ZNF592: variants seen among roughly 807,000 people sequenced by gnomAD.
ZNF592 encodes zinc finger protein 592.
In ZNF592, 11 loss-of-function variants were observed where a neutral mutation model predicts 80.3. The observed-to-expected ratio is 0.14, with a 90% CI of 0.09 to 0.23. ZNF592 has a LOEUF of 0.23. Among genes scored for constraint, ZNF592 ranks in the 10% least tolerant of loss-of-function variants. ZNF592 has a pLI of 1.00. For missense variants in ZNF592, 1,420 were observed against 1,633.9 expected (o/e 0.87, Z 2.26); for synonymous variants, 646 against 640.3 (o/e 1.01, Z -0.13).
chr15:84,802,051 A>T lies in ZNF592; in HGVS notation c.3462A>T (p.Gln1154His), dbSNP rs142492946. ...ACCAGGTGGACAGCTCCACAGCCCA[A>T]TGTCTCCTCTGTGGTTTGTGCTACA... Reference protein sequence around the residue: ...PQHQVDSSTAQCLLCGLCYTS... With the variant: ...PQHQVDSSTAHCLLCGLCYTS... Residue 1154 changes from glutamine to histidine, a missense_variant, in exon 11 of 11, where the codon CAA becomes CAT. Physicochemically the swap from Gln to His is conservative, Grantham distance 24 (BLOSUM62 0). Around this residue, in one of 7 missense-constraint regions of ZNF592, gnomAD observed 145 missense variants for 211.9 expected, o/e 0.68. Transcript: ENST00000560079. 6.2e-7 allele frequency: 1 copy of T among 1,613,826 alleles called. No homozygotes were observed. Among genetic ancestry groups the T allele is most frequent in the Admixed American group, 1.7e-5 (1 of 60,008 alleles).
rs1348291584 is a variant in ZNF592 at position 84,794,536 on chromosome 15, C to T, written c.2400-3333C>T. Among the ~76,000 whole-genome samples the T allele has an allele frequency of 9.9e-5, 15 of 151,522 alleles. 1 individual carries two copies. The highest frequency in any genetic ancestry group is 7.3e-5 in the African/African-American group (3 of 41,256). Reference sequence around the variant, plus strand: ...TGTTGACCAGGCTGGAGTGCAGTGGCGCTATCTCAGCTCACTGCAACCTCC... The same window carrying T: ...TGTTGACCAGGCTGGAGTGCAGTGGTGCTATCTCAGCTCACTGCAACCTCC... On this transcript the variant is annotated intron_variant, in intron 5 of 10. Coordinates refer to ENST00000560079, the MANE Select transcript of ZNF592 (RefSeq NM_014630.3).
rs1962970290 is a variant in ZNF592, at chr15:84,798,010, C to T, written c.2541C>T (p.Ala847=). The T allele has an allele frequency of 6.2e-7, 1 of 1,614,106 alleles. No homozygotes were observed. Among genetic ancestry groups the T allele is most frequent in the South Asian group, 1.1e-5 (1 of 91,090 alleles). The part of the protein sequence containing the change: ...KTASSTADHS[A]TQHPTQPHRP... Reference sequence around the variant, plus strand: ...CCAGCAGCACTGCAGACCACAGTGCCACCCAGCACCCCACCCAGCCCCACA... The same window carrying T: ...CCAGCAGCACTGCAGACCACAGTGCTACCCAGCACCCCACCCAGCCCCACA... The change falls in exon 6 of 11, where the codon GCC becomes GCT. Residue 847 remains alanine (A), a synonymous_variant. Coordinates refer to ENST00000560079, the MANE Select transcript of ZNF592 (RefSeq NM_014630.3). The surrounding 1 kb of genome is among the most constrained non-coding windows in gnomAD (Gnocchi z 4.5).
chr15:84,781,974 T>G (rs562628644), intron 3 of ZNF592, among the ~76,000 whole-genome samples: 4 of 152,242 alleles, frequency 2.6e-5, no homozygotes, highest in Non-Finnish European at 5.9e-5. Flanking sequence ...GCCAATTTGA[T>G]AACTGTTGGT....
At position 84,777,694 on chromosome 15, in the gene ZNF592, CTTTTTTTTTTTT is replaced by C. The variant is rs397854471; in HGVS notation, c.-149-477_-149-466del. ...GAAAATAATTTCGTCTGTTGAGATA[CTTTTTTTTTTTT>C]TTTTTTTTTTTGAGATGGAGTCTAG... On this transcript the variant is annotated intron_variant, in intron 2 of 10. Transcript: ENST00000560079. Among the ~76,000 whole-genome samples, 4 of 98,426 alleles carry C rather than the reference CTTTTTTTTTTTT, an allele frequency of 4.1e-5. No individual in the cohort carries two copies. In the South Asian group the frequency reaches 9.8e-4, roughly 24 times the overall value. 64.6% of individuals were successfully genotyped at this position (98,426 alleles called of 152,430 possible).
Position 84,802,133 on chromosome 15 carries a change from G to C in ZNF592, c.3544G>C (p.Glu1182Gln). The C allele has an allele frequency of 2.5e-6, 4 of 1,579,720 alleles. No individual in the cohort carries two copies. The highest frequency in any genetic ancestry group is 2.6e-6 in the Non-Finnish European group (3 of 1,152,010). Residue 1182 changes from glutamate (E) to glutamine (Q), a missense_variant, in exon 11 of 11, where the codon GAG becomes CAG. Physicochemically the swap from Glu to Gln is conservative, Grantham distance 29. Around this residue, in one of 7 missense-constraint regions of ZNF592, gnomAD observed 145 missense variants for 211.9 expected, o/e 0.68. Transcript: ENST00000560079. ...LFIVHKVRDQ[E>Q]EEEEEEAAAA... ...CATTGTCCACAAGGTGAGAGACCAG[G>C]AGGAGGAGGAGGAAGAGGAGGCGGC...
At position 84,798,539 on chromosome 15, in the gene ZNF592, T is replaced by G; in HGVS notation, c.2737-49T>G. ...ATGCCTCAGGCTGGGGGTCTGACTC[T>G]GTGCATCTTTCCCCTTGCCCAGTCA... On this transcript the variant is annotated intron_variant, in intron 7 of 10. Transcript: ENST00000560079. This position sits in a 1 kb window ranked among gnomAD's most constrained non-coding sequence, Gnocchi z 4.5. 7 of 1,613,932 alleles carry G rather than the reference T, an allele frequency of 4.3e-6. No individual in the cohort carries two copies. The highest frequency in any genetic ancestry group is 5.9e-6 in the Non-Finnish European group (7 of 1,179,960).
chr15:84,777,694 CT>C (rs397854471), intron 2 of ZNF592, among the ~76,000 whole-genome samples: 51,213 of 97,916 alleles, frequency 0.52, 13,241 homozygotes, highest in East Asian at 0.74. Context: ...TGTTGAGATA[CT>C]TTTTTTTTTT....
In ZNF592 at chr15:84,769,138, A is replaced by G. The variant is rs138769502; in HGVS notation, c.-150+4323A>G. Among the ~76,000 whole-genome samples the G allele has an allele frequency of 8.9e-3, 1,358 of 152,126 alleles. 23 individuals carry two copies. The highest frequency in any genetic ancestry group is 0.031 in the African/African-American group (1,292 of 41,494). On this transcript the variant is annotated intron_variant, in intron 2 of 10. Transcript: ENST00000560079. ...GTATTTTTAGTAGAGACAGGGTTTC[A>G]CCATGTTGGTGAGGCTGGTCTTGAA... is the stretch of plus-strand genomic sequence containing the variant.
intron 5 of ZNF592, among the ~76,000 whole-genome samples, chr15:84,792,960 A>C (rs1000816049): frequency 3.3e-5 from 5 of 152,228 alleles, no homozygotes; most frequent in Non-Finnish European, 7.3e-5. Context: ...GTAACACTTA[A>C]AAATACCTTT....
At chr15:84,772,602 A>G (rs1489503894) in intron 2 of ZNF592, among the ~76,000 whole-genome samples, 1 of 152,234 alleles carries the variant, frequency 6.6e-6, no homozygotes, top group Non-Finnish European at 1.5e-5. Context: ...ATAATGCAAC[A>G]CAAATGATAT....
Position 84,783,190 on chromosome 15 carries a change from C to G in ZNF592, c.515C>G (p.Pro172Arg), listed in dbSNP as rs151234929. ...CACTCTGACAGTTATTTCCCACCCCCTCTTGGGTGCGGGGCTGTGGGAGGC... is the reference window on the plus strand; with the variant it reads ...CACTCTGACAGTTATTTCCCACCCCGTCTTGGGTGCGGGGCTGTGGGAGGC... ...PKHSDSYFPP[P>R]LGCGAVGGPV... The change falls in exon 4 of 11, where the codon CCT (proline) becomes CGT (arginine). Residue 172 changes from proline to arginine, a missense_variant. Physicochemically the swap from Pro to Arg is moderately radical, Grantham distance 103 (BLOSUM62 -2). Transcript: ENST00000560079. This position sits in a 1 kb window ranked among gnomAD's most constrained non-coding sequence, Gnocchi z 5.0. 2.1e-4 allele frequency: 339 copies of G among 1,614,066 alleles called. No homozygotes were observed. The highest frequency in any genetic ancestry group is 2.8e-4 in the Non-Finnish European group (329 of 1,180,050).
chr15:84,777,016 C>T (rs928528763), intron 2 of ZNF592, among the ~76,000 whole-genome samples: 5 of 151,946 alleles, frequency 3.3e-5, no homozygotes, highest in Admixed American at 3.3e-4. Context: ...CACGCCATTG[C>T]ACTCCAGCCC....
Position 84,783,340 on chromosome 15 carries a change from G to T in ZNF592, c.665G>T (p.Gly222Val). Residue 222 changes from glycine to valine, a missense_variant, in exon 4 of 11, where the codon GGG (glycine) becomes GTG (valine). By Grantham distance (109) the Gly-to-Val change is moderately radical. Coordinates refer to ENST00000560079, the MANE Select transcript of ZNF592 (RefSeq NM_014630.3). This position sits in a 1 kb window ranked among gnomAD's most constrained non-coding sequence, Gnocchi z 5.0. ...AGCCAGCAGGAACACGAGCAAAGTG[G>T]GCAGAACACAGTGGAACCTCACAAG... ...LGSQQEHEQS[G>V]QNTVEPHKDP... The T allele has an allele frequency of 6.2e-7, 1 of 1,614,224 alleles. No homozygotes were observed. The highest frequency in any genetic ancestry group is 8.5e-7 in the Non-Finnish European group (1 of 1,180,046).
intron 2 of ZNF592, among the ~76,000 whole-genome samples, chr15:84,769,764 A>C (rs1488230475): frequency 6.6e-6 from 1 of 152,118 alleles, no homozygotes; most frequent in Non-Finnish European, 1.5e-5. Context: ...AAGATTTTTA[A>C]ATTATCTTAT....
chr15:84,799,386 C>T lies in ZNF592; in HGVS notation c.3137+176C>T, dbSNP rs1963028795. Among the ~76,000 whole-genome samples, 1 of 152,158 alleles carries T rather than the reference C, an allele frequency of 6.6e-6. No individual in the cohort carries two copies. Among genetic ancestry groups the T allele is most frequent in the South Asian group, 2.1e-4 (1 of 4,828 alleles). On this transcript the variant is annotated intron_variant, in intron 9 of 10. Transcript: ENST00000560079. This position sits in a 1 kb window ranked among gnomAD's most constrained non-coding sequence, Gnocchi z 4.2. ...CAGGGGCAGGTCAAAAATCAGCTTC[C>T]AGAACCTGGTAGCTCCTGAGCCCTC...
rs1238125074 is a variant in ZNF592 at position 84,790,787 on chromosome 15, A to G, written c.2303A>G (p.Tyr768Cys). The G allele has an allele frequency of 6.2e-7, 1 of 1,614,128 alleles. No individual in the cohort carries two copies. The highest frequency in any genetic ancestry group is 8.5e-7 in the Non-Finnish European group (1 of 1,180,012). Residue 768 changes from tyrosine (Y) to cysteine (C), a missense_variant, in exon 5 of 11, where the codon TAC becomes TGC. Coordinates refer to ENST00000560079, the MANE Select transcript of ZNF592 (RefSeq NM_014630.3). Reference sequence around the variant, plus strand: ...CGGATTCATGCACACAAGTCCCCCTACTGCTGCCCGGAGTGTGGGGTCCTC... The same window carrying G: ...CGGATTCATGCACACAAGTCCCCCTGCTGCTGCCCGGAGTGTGGGGTCCTC... Reference protein sequence around the residue: ...HQRIHAHKSPYCCPECGVLCR... With the variant: ...HQRIHAHKSPCCCPECGVLCR...
In ZNF592 at chr15:84,769,453, T is replaced by C. The variant is rs74905021; in HGVS notation, c.-150+4638T>C. Among the ~76,000 whole-genome samples, 589 of 151,188 alleles carry C rather than the reference T, an allele frequency of 3.9e-3. 2 individuals carry two copies. The highest frequency in any genetic ancestry group is 0.014 in the African/African-American group (564 of 41,098). On this transcript the variant is annotated intron_variant, in intron 2 of 10. Transcript: ENST00000560079. ...ATGGAAGGCTCCTGACAAAGTGACA[T>C]TGGATTAAAGGCCTGAAGAAGTGAG...
intron 2 of ZNF592, among the ~76,000 whole-genome samples, chr15:84,772,368 T>C (rs915916751): frequency 6.6e-6 from 1 of 152,068 alleles, no homozygotes; most frequent in Admixed American, 6.6e-5. Flanking sequence ...TGGTATAACA[T>C]AGGGAGACCC....
At chr15:84,750,824 G>T (rs899349522) in intron 1 of ZNF592, among the ~76,000 whole-genome samples, 1 of 152,112 alleles carries the variant, frequency 6.6e-6, no homozygotes, top group African/African-American at 2.4e-5. Context: ...GGCTGGAGGG[G>T]GAAAGGGAGA....
Sources: allele counts gnomAD v4.1 joint callset (sites outside exome capture counted in the v4.1 genomes callset), GRCh38; gene constraint gnomAD v4.1.1; regional missense constraint gnomAD v4.1.1; non-coding constraint Gnocchi (gnomAD v3.1); transcripts MANE v1.5; gene names NCBI Gene and HGNC (gene_info 2026-07-23, HGNC 2026-07-21).